The following AGPAT3 variants were observed in gnomAD, a reference collection of about 807,000 sequenced individuals.
The protein encoded by AGPAT3 is 1-acylglycerol-3-phosphate O-acyltransferase 3.
A neutral mutation model predicts 47.3 loss-of-function variants in AGPAT3; 5 were observed. The ratio of observed to expected loss-of-function variants is 0.11; its 90% CI spans 0.06 to 0.22. The LOEUF (loss-of-function observed/expected upper bound fraction) is 0.22, where lower values mean the gene tolerates loss of function less well. Ranked by LOEUF, AGPAT3 falls within the 10% of genes least tolerant of loss-of-function variation. The pLI is 1.00. For missense variants in AGPAT3, 315 were observed against 493.0 expected, an observed-to-expected ratio of 0.64 and a Z score of 3.42; for synonymous variants, 212 against 208.3, an observed-to-expected ratio of 1.02 and a Z score of -0.15.
rs935203394 is a variant in AGPAT3 at position 43,981,162 on chromosome 21, G to T, written c.1017G>T (p.Leu339=). The T allele has an allele frequency of 5.6e-6, 9 of 1,614,054 alleles. No individual in the cohort carries two copies. The highest frequency in any genetic ancestry group is 6.8e-6 in the Non-Finnish European group (8 of 1,180,044). Residue 339 remains leucine, a synonymous_variant, in exon 9 of 10, where the codon CTG becomes CTT. Transcript: ENST00000291572. This position sits in a 1 kb window ranked among gnomAD's most constrained non-coding sequence, Gnocchi z 5.3. ...VFASGSPLLI[L]TFLGFVGAAS... is the part of the protein sequence containing the mutation. ...CCAGCGGATCACCTCTCCTGATCCT[G>T]ACTTTCTTGGGGTTTGTGGGAGCAG...
chr21:43,894,201 A>ATTTC (rs1016621437), intron 1 of AGPAT3, among the ~76,000 whole-genome samples: 1 of 146,164 alleles, frequency 6.8e-6, no homozygotes, highest in Non-Finnish European at 1.5e-5. Flanking sequence ...GGGGCCAGGT[A>ATTTC]TTTCTTTCTT....
At chr21:43,877,884 G>T (rs1244739021) in intron 1 of AGPAT3, among the ~76,000 whole-genome samples, 1 of 151,732 alleles carries the variant, frequency 6.6e-6, no homozygotes, top group Non-Finnish European at 1.5e-5. Flanking sequence ...CCCCATCTAT[G>T]ACCCCCTTCC....
intron 2 of AGPAT3, among the ~76,000 whole-genome samples, chr21:43,936,710 G>T (rs1417087060): frequency 6.6e-6 from 1 of 152,144 alleles, no homozygotes; most frequent in African/African-American, 2.4e-5. Flanking sequence ...TCCTTTTCCC[G>T]ACCGCAGCTC....
Position 43,970,611 on chromosome 21 carries a change from C to G in AGPAT3, c.511-42C>G. 6.2e-7 allele frequency: 1 copy of G among 1,606,876 alleles called. No homozygotes were observed. Reference sequence around the variant, plus strand: ...GCCTGGCCTGGACATGCACCCACCCCAGCTGCTCTGTGGAGTGACCCTGTC... The same window carrying G: ...GCCTGGCCTGGACATGCACCCACCCGAGCTGCTCTGTGGAGTGACCCTGTC... On this transcript the variant is annotated intron_variant, in intron 5 of 9. Coordinates refer to ENST00000291572, the MANE Select transcript of AGPAT3 (RefSeq NM_020132.5). The surrounding 1 kb of genome is among the most constrained non-coding windows in gnomAD (Gnocchi z 5.8).
At position 43,871,944 on chromosome 21, in the gene AGPAT3, A is replaced by G. The variant is rs554465941; in HGVS notation, c.-112+6599A>G. 1.6e-3 allele frequency among the ~76,000 whole-genome samples: 245 copies of G among 152,080 alleles called. 1 individual carries two copies. Among genetic ancestry groups the G allele is most frequent in the Non-Finnish European group, 3.1e-3 (211 of 68,016 alleles). On this transcript the variant is annotated intron_variant, in intron 1 of 9. Transcript: ENST00000291572. ...TTCTTTTCTAGGTAGTGCCTTTTGCATGTTACTTTAAGTTCTTCCCAATTC... is the reference window on the plus strand; with the variant it reads ...TTCTTTTCTAGGTAGTGCCTTTTGCGTGTTACTTTAAGTTCTTCCCAATTC...
chr21:43,876,353 C>T (rs1260186720), intron 1 of AGPAT3, among the ~76,000 whole-genome samples: 2 of 152,200 alleles, frequency 1.3e-5, no homozygotes, highest in Non-Finnish European at 2.9e-5. Context: ...GCTCCCTGAT[C>T]CTTGCCTGTC....
intron 2 of AGPAT3, among the ~76,000 whole-genome samples, chr21:43,924,544 A>C (rs2086993532): frequency 1.3e-5 from 2 of 152,146 alleles, no homozygotes; most frequent in African/African-American, 2.4e-5. Context: ...CGAACAGCAG[A>C]TCCATCTTCC....
In AGPAT3 at chr21:43,952,235, G is replaced by A. The variant is rs1354176282; in HGVS notation, c.-48-7399G>A. 6.6e-6 allele frequency among the ~76,000 whole-genome samples: 1 copy of A among 152,134 alleles called. No individual in the cohort carries two copies. Among genetic ancestry groups the A allele is most frequent in the Non-Finnish European group, 1.5e-5 (1 of 68,018 alleles). ...AGGTCCAAGGTCAAGGATTCCTTCT[G>A]AGGCTTCTCACCCGGGCTCTGACTG... On this transcript the variant is annotated intron_variant, in intron 2 of 9. Transcript: ENST00000291572. This position sits in a 1 kb window ranked among gnomAD's most constrained non-coding sequence, Gnocchi z 5.6.
Position 43,901,114 on chromosome 21 carries a change from C to T in AGPAT3, c.-111-2843C>T, listed in dbSNP as rs544000517. On this transcript the variant is annotated intron_variant, in intron 1 of 9. Transcript: ENST00000291572. ...CCCAGGAGTTCAAGACCCTCTGGGG[C>T]CACATAGCGAGACCCTGTCTCTAAA... Among the ~76,000 whole-genome samples the T allele has an allele frequency of 2.0e-5, 3 of 152,028 alleles. No individual in the cohort carries two copies. In the South Asian group the frequency reaches 6.2e-4, roughly 32 times the overall value.
chr21:43,968,653 A>G (rs1004998446), intron 4 of AGPAT3, among the ~76,000 whole-genome samples: 1 of 151,986 alleles, frequency 6.6e-6, no homozygotes, highest in East Asian at 1.9e-4. Context: ...CCTGGCCCGC[A>G]GGGCCTCAGC....
chr21:43,913,631 C>T (rs760793567), intron 2 of AGPAT3, among the ~76,000 whole-genome samples: 5 of 152,118 alleles, frequency 3.3e-5, no homozygotes, highest in South Asian at 2.1e-4. Context: ...TTTTGAGTTG[C>T]GGCTATTGTG....
chr21:43,978,416 C>T (rs1314212184), intron 8 of AGPAT3, among the ~76,000 whole-genome samples: 1 of 152,240 alleles, frequency 6.6e-6, no homozygotes, highest in Non-Finnish European at 1.5e-5. Context: ...GATCCTCCTG[C>T]CTCAGCCTCC....
In AGPAT3 at chr21:43,922,720, C is replaced by T. The variant is rs560721999; in HGVS notation, c.-49+18701C>T. Among the ~76,000 whole-genome samples, 1 of 151,908 alleles carries T rather than the reference C, an allele frequency of 6.6e-6. No homozygotes were observed. The highest frequency in any genetic ancestry group is 2.2e-4 in the South Asian group (1 of 4,550). On this transcript the variant is annotated intron_variant, in intron 2 of 9. Coordinates refer to ENST00000291572, the MANE Select transcript of AGPAT3 (RefSeq NM_020132.5). This position sits in a 1 kb window ranked among gnomAD's most constrained non-coding sequence, Gnocchi z 4.9. Reference sequence around the variant, plus strand: ...AGCTCAGGGGCTGTGGCTCAGGAGCCATGTGCCAGGCAGGGCACTCCGTCA... The same window carrying T: ...AGCTCAGGGGCTGTGGCTCAGGAGCTATGTGCCAGGCAGGGCACTCCGTCA...
chr21:43,942,438 A>G (rs943079759), intron 2 of AGPAT3, among the ~76,000 whole-genome samples: 1 of 152,146 alleles, frequency 6.6e-6, no homozygotes, highest in African/African-American at 2.4e-5. Flanking sequence ...CCTACCCTGC[A>G]TTCGCCACAC....
intron 2 of AGPAT3, among the ~76,000 whole-genome samples, chr21:43,926,302 G>T (rs1004636618): frequency 2.0e-5 from 3 of 152,218 alleles, no homozygotes; most frequent in Non-Finnish European, 4.4e-5. Flanking sequence ...TGGCGCCAAG[G>T]GGGTGCTGAG....
rs1320562829 is a variant in AGPAT3 at position 43,982,046 on chromosome 21, G to A, written c.1043-258G>A. Among the ~76,000 whole-genome samples, 1 of 152,202 alleles carries A rather than the reference G, an allele frequency of 6.6e-6. No homozygotes were observed. The highest frequency in any genetic ancestry group is 1.5e-5 in the Non-Finnish European group (1 of 68,030). ...ACCAGCCAAAGACCCAGAGGGGCAG[G>A]CAGGGCAAGGTCCACGTGTCCACCT... On this transcript the variant is annotated intron_variant, in intron 9 of 9. Transcript: ENST00000291572. This position sits in a 1 kb window ranked among gnomAD's most constrained non-coding sequence, Gnocchi z 6.2.
chr21:43,914,761 C>T (rs1010632592), intron 2 of AGPAT3, among the ~76,000 whole-genome samples: 1 of 152,026 alleles, frequency 6.6e-6, no homozygotes, highest in Non-Finnish European at 1.5e-5. Flanking sequence ...AGGCTGGTTT[C>T]GAACTCCTGG....
chr21:43,917,272 C>T (rs1247217955), intron 2 of AGPAT3, among the ~76,000 whole-genome samples: 5 of 152,036 alleles, frequency 3.3e-5, no homozygotes, highest in Middle Eastern at 3.2e-3. Context: ...GTTGCCGGCG[C>T]GGTCCCGCTG....
intron 1 of AGPAT3, among the ~76,000 whole-genome samples, chr21:43,869,269 T>C (rs970071303): frequency 1.3e-5 from 2 of 152,220 alleles, no homozygotes; most frequent in African/African-American, 4.8e-5. Flanking sequence ...AATGTGCTGA[T>C]GATTGGGTTA....
Sources: gnomAD v4.1 joint callset for allele counts (sites outside exome capture counted in the v4.1 genomes callset) on GRCh38, gnomAD v4.1.1 for gene constraint, Gnocchi (gnomAD v3.1) non-coding constraint, MANE v1.5 for transcripts, NCBI Gene and HGNC (gene_info 2026-07-23, HGNC 2026-07-21) for gene names.